ANKRD60: variants seen among roughly 807,000 people sequenced by gnomAD.
The protein encoded by ANKRD60 is ankyrin repeat domain 60, also known as ankyrin repeat domain-containing protein 60.
Under a neutral mutation model 21.3 loss-of-function variants are expected in ANKRD60, and 24 were observed. The ratio of observed to expected loss-of-function variants is 1.13; its 90% CI spans 0.82 to 1.59. The LOEUF (loss-of-function observed/expected upper bound fraction) is 1.59. ANKRD60 is among the 40% of genes most tolerant of loss of function. ANKRD60 has a pLI of 0.00. For synonymous variants in ANKRD60, 182 were observed against 199.4 expected, an observed-to-expected ratio of 0.91 and a Z score of 0.74; for missense variants, 490 against 466.7, an observed-to-expected ratio of 1.05 and a Z score of -0.46.
chr20:58,216,940 G>A (rs1019903063), downstream of ANKRD60, among the ~76,000 whole-genome samples: 2 of 152,202 alleles, frequency 1.3e-5, no homozygotes, highest in African/African-American at 4.8e-5. Flanking sequence ...CACCCAGTAA[G>A]ACCCGTGGCT....
intron 3 of ANKRD60, among the ~76,000 whole-genome samples, chr20:58,221,131 G>A (rs1395319775): frequency 6.6e-6 from 1 of 152,176 alleles, no homozygotes. Flanking sequence ...ACCTGGTGAA[G>A]AGAAGGAGGG....
chr20:58,221,546 G>A, intron 2 of ANKRD60, 43 bp from the exon 3 acceptor site: 1 of 1,541,336 alleles, frequency 6.5e-7, no homozygotes, highest in East Asian at 2.5e-5. Flanking sequence ...CAAAAGCGTG[G>A]CTACATTTTG....
At chr20:58,222,176 A>G (rs1984271220) in intron 2 of ANKRD60, among the ~76,000 whole-genome samples, 1 of 152,144 alleles carries the variant, frequency 6.6e-6, no homozygotes. Context: ...CAGAAAACCA[A>G]GCATGGACCA....
intron 3 of ANKRD60, among the ~76,000 whole-genome samples, chr20:58,219,459 C>T (rs1389930332): frequency 2.6e-5 from 4 of 152,182 alleles, no homozygotes; most frequent in African/African-American, 9.7e-5. Context: ...TCATCCCGAG[C>T]ACATAGCTCA....
Position 58,223,196 on chromosome 20 carries a change from T to A in ANKRD60, c.431-14A>T, listed in dbSNP as rs971260311. ...CCATCAAAACTCCTGCAGGGAAAAA[T>A]TTTTTTTCTTTTAAAAAATTGGGTA... is the stretch of plus-strand genomic sequence containing the variant. On this transcript the variant is annotated splice_polypyrimidine_tract_variant and intron_variant, in intron 1 of 3. Transcript: ENST00000457363. The A allele has an allele frequency of 3.3e-6, 5 of 1,519,698 alleles. No individual in the cohort carries two copies. In the African/African-American group the frequency reaches 4.6e-5, roughly 14 times the overall value. 94.1% of individuals were successfully genotyped at this position (1,519,698 alleles called of 1,614,324 possible).
intron 1 of ANKRD60, among the ~76,000 whole-genome samples, chr20:58,225,100 A>T (rs941275714): frequency 3.3e-5 from 5 of 152,176 alleles, no homozygotes; most frequent in African/African-American, 1.2e-4. Context: ...CTTGTTTGCC[A>T]CCCACAGCAA....
chr20:58,222,614 GCCCGCCGCTCAC>G (rs1011823844), intron 2 of ANKRD60, among the ~76,000 whole-genome samples: 1 of 152,126 alleles, frequency 6.6e-6, no homozygotes, highest in Non-Finnish European at 1.5e-5. Flanking sequence ...AGGACAGAGC[GCCCGCCGCTCAC>G]CCCGGGAACG....
intron 1 of ANKRD60, among the ~76,000 whole-genome samples, chr20:58,226,208 C>T (rs1391441895): frequency 6.6e-6 from 1 of 152,102 alleles, no homozygotes; most frequent in Non-Finnish European, 1.5e-5. Context: ...CCTGTGAGGG[C>T]AGTTTACTCT....
rs1387243973 is a variant in ANKRD60, at chr20:58,228,603, G to A, written c.51C>T (p.Gly17=). 1 of 1,043,834 alleles carries A rather than the reference G, an allele frequency of 9.6e-7. No homozygotes were observed. The highest frequency in any genetic ancestry group is 1.2e-6 in the Non-Finnish European group (1 of 865,948). The allele number at this position is 1,043,834 out of a possible 1,614,324, so 64.7% of individuals were successfully genotyped here. A position where few individuals can be genotyped will look rare whatever the true frequency, so the allele number is the denominator to read the frequency against. Residue 17 remains glycine (G), a synonymous_variant, in exon 1 of 4, where the codon GGC becomes GGT. Transcript: ENST00000457363. The surrounding 1 kb of genome is among the most constrained non-coding windows in gnomAD (Gnocchi z 5.3). ...CAGTTGGCCCCGCCGCCCGCGCTCC[G>A]CCCGCCCCCGCCGCCGCCCGCCGCA...
At chr20:58,220,049 T>A (rs948032347) in intron 3 of ANKRD60, among the ~76,000 whole-genome samples, 2 of 152,196 alleles carry the variant, frequency 1.3e-5, no homozygotes, top group South Asian at 4.1e-4. Flanking sequence ...AAGTCCAAGA[T>A]GTTTTCCACT....
Position 58,228,155 on chromosome 20 carries a change from G to T in ANKRD60, c.430+69C>A. 7.1e-7 allele frequency: 1 copy of T among 1,400,674 alleles called. No individual in the cohort carries two copies. The highest frequency in any genetic ancestry group is 9.6e-7 in the Non-Finnish European group (1 of 1,040,612). The allele number at this position is 1,400,674 out of a possible 1,614,324, so 86.8% of individuals were successfully genotyped here. ...TCTCACGTAAGCAGGCTTCCCTTTG[G>T]GAATCCACTTCAGAAGTGGACAGGG... On this transcript the variant is annotated intron_variant, in intron 1 of 3. Coordinates refer to ENST00000457363, the Ensembl canonical transcript of ANKRD60. This position sits in a 1 kb window ranked among gnomAD's most constrained non-coding sequence, Gnocchi z 5.3.
intron 3 of ANKRD60, among the ~76,000 whole-genome samples, chr20:58,220,446 G>A (rs1382271475): frequency 6.6e-6 from 1 of 151,838 alleles, no homozygotes; most frequent in East Asian, 1.9e-4. Flanking sequence ...TTAATTTGGA[G>A]ACAATGTTGG....
chr20:58,228,466 G>T lies in ANKRD60; in HGVS notation c.188C>A (p.Ala63Glu). 1 of 1,524,994 alleles carries T rather than the reference G, an allele frequency of 6.6e-7. No homozygotes were observed. The highest frequency in any genetic ancestry group is 8.8e-7 in the Non-Finnish European group (1 of 1,141,026). 94.5% of individuals were successfully genotyped at this position (1,524,994 alleles called of 1,614,324 possible). The change falls in exon 1 of 4, where the codon GCG becomes GAG. Residue 63 changes from alanine to glutamate, a missense_variant. By Grantham distance (107) the Ala-to-Glu change is moderately radical. Coordinates refer to ENST00000457363, the Ensembl canonical transcript of ANKRD60. This position sits in a 1 kb window ranked among gnomAD's most constrained non-coding sequence, Gnocchi z 5.3. ...GCCGCGGGCACAGGCCAGGGGCTGC[G>T]CGGGGAGGGCCCGCGAGTCCGCCGA... is the stretch of plus-strand genomic sequence containing the variant.
chr20:58,227,273 G>A (rs1239097047), intron 1 of ANKRD60, among the ~76,000 whole-genome samples: 2 of 152,184 alleles, frequency 1.3e-5, no homozygotes, highest in African/African-American at 2.4e-5. Flanking sequence ...GAAGGATCTG[G>A]GGTTCTGAGG....
intron 3 of ANKRD60, 62 bp from the exon 4 acceptor site, chr20:58,218,867 A>G: frequency 2.1e-6 from 3 of 1,429,992 alleles, no homozygotes; most frequent in Middle Eastern, 2.5e-4. Flanking sequence ...GGAGGGGTCC[A>G]GGGCTGTGAA....
intron 3 of ANKRD60, among the ~76,000 whole-genome samples, chr20:58,220,513 G>GAGAGAGAGAGAGAGAA: frequency 1.3e-5 from 2 of 152,204 alleles, no homozygotes; most frequent in South Asian, 4.2e-4. Flanking sequence ...GAGAGAGAGA[G>GAGAGAGAGAGAGAGAA]AGAGAGAGAG....
rs1056705197 is a variant in ANKRD60, at chr20:58,228,217, G to C, written c.430+7C>G. On this transcript the variant is annotated splice_region_variant and intron_variant, in intron 1 of 3. Transcript: ENST00000457363. The surrounding 1 kb of genome is among the most constrained non-coding windows in gnomAD (Gnocchi z 5.3). ...GTGGCCAGGGAAGGAGTCAGGGCAGGAGCCACCTTCGTCGAGGTACTGGAG... is the reference window on the plus strand; with the variant it reads ...GTGGCCAGGGAAGGAGTCAGGGCAGCAGCCACCTTCGTCGAGGTACTGGAG... The C allele has an allele frequency of 7.8e-6, 12 of 1,544,360 alleles. No individual in the cohort carries two copies. The African/African-American group carries it at 1.6e-4, about 21-fold the overall frequency.
chr20:58,218,476 C>T, downstream of ANKRD60: 1 of 1,539,220 alleles, frequency 6.5e-7, no homozygotes, highest in Non-Finnish European at 8.8e-7. Flanking sequence ...CCTCAGCGGG[C>T]AAACGTTCCC....
chr20:58,227,666 T>G (rs1221052007), intron 1 of ANKRD60, among the ~76,000 whole-genome samples: 3 of 152,082 alleles, frequency 2.0e-5, no homozygotes, highest in Non-Finnish European at 4.4e-5. Flanking sequence ...CATGCTTGCG[T>G]GGACATGGTT....
Sources: gnomAD v4.1 joint callset for allele counts (sites outside exome capture counted in the v4.1 genomes callset) on GRCh38, gnomAD v4.1.1 for gene constraint, Gnocchi (gnomAD v3.1) non-coding constraint, MANE v1.5 for transcripts, NCBI Gene and HGNC (gene_info 2026-07-23, HGNC 2026-07-21) for gene names.